The following LRRC4C variants were observed in gnomAD, a reference collection of about 807,000 sequenced individuals.
LRRC4C encodes leucine rich repeat containing 4C.
A neutral mutation model predicts 33.6 loss-of-function variants in LRRC4C; 5 were observed. The ratio of observed to expected loss-of-function variants is 0.15; its 90% CI spans 0.08 to 0.31. The LOEUF (loss-of-function observed/expected upper bound fraction) is 0.31. LRRC4C is among the 10% of genes least tolerant of loss of function. LRRC4C has a pLI of 1.00. For synonymous variants in LRRC4C, 329 were observed against 302.0 expected, an observed-to-expected ratio of 1.09 and a Z score of -0.93; for missense variants, 560 against 796.7, an observed-to-expected ratio of 0.70 and a Z score of 3.58.
intron 4 of LRRC4C, among the ~76,000 whole-genome samples, chr11:40,259,881 G>C (rs1444004500): frequency 6.6e-6 from 1 of 151,636 alleles, no homozygotes; most frequent in African/African-American, 2.4e-5. Context: ...TTAGAATGTC[G>C]ATCATTAAAA....
At chr11:40,874,755 G>T (rs1405657841) in intron 2 of LRRC4C, among the ~76,000 whole-genome samples, 1 of 152,168 alleles carries the variant, frequency 6.6e-6, no homozygotes, top group Non-Finnish European at 1.5e-5. Context: ...CACTGGATTT[G>T]CAATGAGGCC....
At chr11:40,783,231 C>T (rs977371991) in intron 2 of LRRC4C, among the ~76,000 whole-genome samples, 1 of 151,880 alleles carries the variant, frequency 6.6e-6, no homozygotes, top group Non-Finnish European at 1.5e-5. Flanking sequence ...TTAAGGTGTT[C>T]GGTGATCTTA....
At chr11:40,911,996 C>T (rs550496198) in intron 2 of LRRC4C, among the ~76,000 whole-genome samples, 1 of 151,848 alleles carries the variant, frequency 6.6e-6, no homozygotes, top group Admixed American at 6.6e-5. Context: ...AGTTGAGAGA[C>T]AAAAGAATAA....
chr11:40,514,761 A>C (rs1407928230), intron 3 of LRRC4C, among the ~76,000 whole-genome samples: 1 of 152,124 alleles, frequency 6.6e-6, no homozygotes, highest in Non-Finnish European at 1.5e-5. Flanking sequence ...AATGTAGACA[A>C]CCAAAACAGG....
chr11:40,253,792 A>G (rs922082018), intron 4 of LRRC4C, among the ~76,000 whole-genome samples: 6 of 152,214 alleles, frequency 3.9e-5, no homozygotes, highest in African/African-American at 2.4e-5. Flanking sequence ...CAATTCTCTC[A>G]ACAATAAAAC....
At chr11:41,229,136 A>G (rs1390611817) in intron 1 of LRRC4C, among the ~76,000 whole-genome samples, 1 of 152,002 alleles carries the variant, frequency 6.6e-6, no homozygotes, top group Non-Finnish European at 1.5e-5. Flanking sequence ...TGTCTCCCTA[A>G]AATTCATATG....
intron 1 of LRRC4C, among the ~76,000 whole-genome samples, chr11:41,270,188 G>C (rs1390187638): frequency 6.6e-6 from 1 of 151,942 alleles, no homozygotes; most frequent in Non-Finnish European, 1.5e-5. Context: ...GAAATATCAA[G>C]AGAAAAAAAC....
chr11:40,118,022 A>G (rs1855560344), intron 6 of LRRC4C, among the ~76,000 whole-genome samples: 1 of 149,020 alleles, frequency 6.7e-6, no homozygotes, highest in South Asian at 2.1e-4. Flanking sequence ...TTAAATATTA[A>G]TTTCATTATA....
At chr11:40,846,149 G>T (rs922837753) in intron 2 of LRRC4C, among the ~76,000 whole-genome samples, 6 of 151,692 alleles carry the variant, frequency 4.0e-5, no homozygotes, top group Non-Finnish European at 8.8e-5. Flanking sequence ...TCTGATGATA[G>T]TTTCTTTTGC....
chr11:41,355,406 G>A (rs551966784), intron 1 of LRRC4C, among the ~76,000 whole-genome samples: 3 of 152,116 alleles, frequency 2.0e-5, no homozygotes, highest in East Asian at 1.9e-4. Context: ...TAAGTGTGTC[G>A]CTATGCAAAA....
chr11:40,387,282 C>A (rs1949148176), intron 3 of LRRC4C, among the ~76,000 whole-genome samples: 2 of 151,896 alleles, frequency 1.3e-5, no homozygotes, highest in Non-Finnish European at 2.9e-5. Context: ...AATGGGTTAC[C>A]ACTCCCAATA....
intron 3 of LRRC4C, among the ~76,000 whole-genome samples, chr11:40,593,914 T>C (rs1322440738): frequency 2.0e-5 from 3 of 152,194 alleles, no homozygotes; most frequent in African/African-American, 2.4e-5. Context: ...AAATCAATGA[T>C]AATTTTAGAG....
chr11:41,117,003 G>C (rs1305338294), intron 1 of LRRC4C, among the ~76,000 whole-genome samples: 1 of 151,068 alleles, frequency 6.6e-6, no homozygotes, highest in Non-Finnish European at 1.5e-5. Context: ...ACCTGGACTG[G>C]CATCAGGCTT....
intron 3 of LRRC4C, among the ~76,000 whole-genome samples, chr11:40,394,036 A>C (rs899189784): frequency 3.3e-5 from 5 of 152,082 alleles, no homozygotes; most frequent in Non-Finnish European, 7.4e-5. Context: ...AAGGGGATAA[A>C]AATAGGCCAA....
At chr11:40,300,765 A>C (rs888122913) in intron 4 of LRRC4C, among the ~76,000 whole-genome samples, 3 of 152,196 alleles carry the variant, frequency 2.0e-5, no homozygotes, top group African/African-American at 7.2e-5. Flanking sequence ...AATACCCAGC[A>C]CTTGGCAAAT....
In LRRC4C at chr11:40,115,854, A is replaced by G; in HGVS notation, c.439T>C (p.Leu147=). Residue 147 remains leucine (L), a synonymous_variant, in exon 7 of 7, where the codon TTG becomes CTG. Coordinates refer to ENST00000528697, the MANE Select transcript of LRRC4C (RefSeq NM_001258419.2). This position sits in a 1 kb window ranked among gnomAD's most constrained non-coding sequence, Gnocchi z 6.7. ...TTIPNGAFVY[L]SKLKELWLRN... ...AACCAGAGCTCCTTCAGTTTAGACA[A>G]GTATACAAAAGCTCCATTCGGGATG... is the stretch of plus-strand genomic sequence containing the variant. The G allele has an allele frequency of 6.2e-7, 1 of 1,614,166 alleles. No individual in the cohort carries two copies. The highest frequency in any genetic ancestry group is 8.5e-7 in the Non-Finnish European group (1 of 1,180,014).
At chr11:41,134,332 A>G (rs902352848) in intron 1 of LRRC4C, among the ~76,000 whole-genome samples, 1 of 152,122 alleles carries the variant, frequency 6.6e-6, no homozygotes, top group African/African-American at 2.4e-5. Context: ...TCAAACTGCT[A>G]GCCTCAAGCA....
chr11:40,857,109 C>T (rs1431051598), intron 2 of LRRC4C, among the ~76,000 whole-genome samples: 1 of 152,158 alleles, frequency 6.6e-6, no homozygotes, highest in Non-Finnish European at 1.5e-5. Flanking sequence ...CACCAAATTT[C>T]TCTATTTCTT....
chr11:41,013,967 C>T (rs1855398734), intron 1 of LRRC4C, among the ~76,000 whole-genome samples: 1 of 152,210 alleles, frequency 6.6e-6, no homozygotes, highest in African/African-American at 2.4e-5. Flanking sequence ...CAGCACCAAG[C>T]CATGAGGGAT....
Sources: allele counts gnomAD v4.1 joint callset (sites outside exome capture counted in the v4.1 genomes callset), GRCh38; gene constraint gnomAD v4.1.1; non-coding constraint Gnocchi (gnomAD v3.1); transcripts MANE v1.5; gene names NCBI Gene and HGNC (gene_info 2026-07-23, HGNC 2026-07-21).